Variants in ARHGAP15 observed in about 807,000 individuals in gnomAD.
ARHGAP15 encodes rho GTPase-activating protein 15.
ARHGAP15 carries 51 observed loss-of-function variants against 63.7 expected under a neutral mutation model. The ratio of observed to expected loss-of-function variants is 0.80; its 90% CI spans 0.64 to 1.01. The LOEUF (loss-of-function observed/expected upper bound fraction) is 1.01, where lower values mean the gene tolerates loss of function less well. ARHGAP15 is among the 50% of genes least tolerant of loss of function. The pLI, the probability that ARHGAP15 is intolerant of heterozygous loss-of-function variation, is 0.00. For missense variants in ARHGAP15, 560 were observed against 564.6 expected (o/e 0.99, Z 0.08); for synonymous variants, 191 against 193.8 (o/e 0.99, Z 0.12).
At chr2:143,184,167 A>G (rs1691347809) in intron 2 of ARHGAP15, among the ~76,000 whole-genome samples, 1 of 152,224 alleles carries the variant, frequency 6.6e-6, no homozygotes, top group South Asian at 2.1e-4. Context: ...AGGGTTGCAT[A>G]CACTGAAGAA....
intron 8 of ARHGAP15, among the ~76,000 whole-genome samples, chr2:143,457,647 C>A (rs559314969): frequency 3.8e-4 from 57 of 150,270 alleles, no homozygotes; most frequent in Non-Finnish European, 6.8e-4. Flanking sequence ...TTTTTAAATA[C>A]CCACAGTATT....
intron 13 of ARHGAP15, among the ~76,000 whole-genome samples, chr2:143,733,221 C>G (rs1685616685): frequency 6.6e-6 from 1 of 152,130 alleles, no homozygotes; most frequent in Non-Finnish European, 1.5e-5. Flanking sequence ...ATTGTGCCCT[C>G]TGCTCCATCA....
Position 143,704,459 on chromosome 2 carries a change from A to G in ARHGAP15, c.1244+935A>G, listed in dbSNP as rs1574863523. Among the ~76,000 whole-genome samples, 4 of 152,184 alleles carry G rather than the reference A, an allele frequency of 2.6e-5. No homozygotes were observed. In the East Asian group the frequency reaches 7.7e-4, roughly 29 times the overall value. Reference sequence around the variant, plus strand: ...ATACCATTGGGAAAGGAAAGGAGAAATCAAGTGTGCAAATTTTGGGTTTCA... The same window carrying G: ...ATACCATTGGGAAAGGAAAGGAGAAGTCAAGTGTGCAAATTTTGGGTTTCA... On this transcript the variant is annotated intron_variant, in intron 13 of 13. Coordinates refer to ENST00000295095, the MANE Select transcript of ARHGAP15 (RefSeq NM_018460.4).
intron 13 of ARHGAP15, among the ~76,000 whole-genome samples, chr2:143,731,042 GT>G (rs776913509): frequency 3.4e-5 from 5 of 147,170 alleles, no homozygotes; most frequent in Non-Finnish European, 7.4e-5. Context: ...GAGAGTAATA[GT>G]TGACTTTTAT....
intron 11 of ARHGAP15, among the ~76,000 whole-genome samples, chr2:143,591,441 G>T (rs1697314490): frequency 6.6e-6 from 1 of 152,060 alleles, no homozygotes; most frequent in Non-Finnish European, 1.5e-5. Flanking sequence ...AAGTGGCACA[G>T]CCTTGAATTG....
chr2:143,447,475 G>A (rs1690195540), intron 8 of ARHGAP15, among the ~76,000 whole-genome samples: 2 of 152,156 alleles, frequency 1.3e-5, no homozygotes, highest in African/African-American at 4.8e-5. Context: ...CAGCTGGCAA[G>A]GGATGCCCAC....
chr2:143,493,327 T>C (rs576032888), intron 9 of ARHGAP15, among the ~76,000 whole-genome samples: 2 of 152,308 alleles, frequency 1.3e-5, no homozygotes, highest in African/African-American at 4.8e-5. Flanking sequence ...AAAACAATAA[T>C]CAGCTTTATT....
At chr2:143,357,895 AT>A (rs1685874517) in intron 6 of ARHGAP15, among the ~76,000 whole-genome samples, 1 of 152,160 alleles carries the variant, frequency 6.6e-6, no homozygotes, top group South Asian at 2.1e-4. Flanking sequence ...GCATAGTTTT[AT>A]TTTTCTATCA....
intron 8 of ARHGAP15, among the ~76,000 whole-genome samples, chr2:143,482,613 T>C (rs1692131892): frequency 6.6e-6 from 1 of 152,182 alleles, no homozygotes; most frequent in Non-Finnish European, 1.5e-5. Context: ...TTACTTAAAA[T>C]GAACAATTTG....
chr2:143,487,263 A>G (rs1692366053), intron 8 of ARHGAP15, 110 bp from the exon 9 acceptor site: 3 of 1,272,830 alleles, frequency 2.4e-6, no homozygotes, highest in East Asian at 2.4e-5. Flanking sequence ...AGCCTGAGCT[A>G]TTAATTCAGG....
intron 3 of ARHGAP15, among the ~76,000 whole-genome samples, chr2:143,212,182 C>G (rs1391618215): frequency 6.6e-6 from 1 of 152,174 alleles, no homozygotes; most frequent in Non-Finnish European, 1.5e-5. Context: ...ACACACTAGT[C>G]TTTCTGCCAT....
intron 8 of ARHGAP15, among the ~76,000 whole-genome samples, chr2:143,456,824 A>G (rs564685101): frequency 2.2e-5 from 1 of 46,162 alleles, no homozygotes; most frequent in South Asian, 1.1e-3. Context: ...TAAATTGTGT[A>G]CATGTGTTTT....
At chr2:143,697,058 C>T (rs572397489) in intron 12 of ARHGAP15, among the ~76,000 whole-genome samples, 99 of 152,216 alleles carry the variant, frequency 6.5e-4, no homozygotes, top group African/African-American at 2.2e-3. Flanking sequence ...TTGCCAACTA[C>T]GGGCTACGCT....
At chr2:143,375,733 A>G (rs915964212) in intron 6 of ARHGAP15, among the ~76,000 whole-genome samples, 1 of 152,190 alleles carries the variant, frequency 6.6e-6, no homozygotes, top group Non-Finnish European at 1.5e-5. Flanking sequence ...CACTGATAAT[A>G]CTGCCATGGT....
At chr2:143,356,951 C>G (rs1438399205) in intron 6 of ARHGAP15, among the ~76,000 whole-genome samples, 1 of 152,188 alleles carries the variant, frequency 6.6e-6, no homozygotes, top group Non-Finnish European at 1.5e-5. Context: ...GTGCAGTAAG[C>G]CACTGAACAG....
At chr2:143,501,062 G>A (rs776419796) in intron 9 of ARHGAP15, among the ~76,000 whole-genome samples, 3 of 152,162 alleles carry the variant, frequency 2.0e-5, no homozygotes, top group Non-Finnish European at 2.9e-5. Flanking sequence ...AAGAGGCCTG[G>A]TCTGGGTTAA....
chr2:143,337,284 G>A (rs1303375988), intron 6 of ARHGAP15, among the ~76,000 whole-genome samples: 1 of 152,146 alleles, frequency 6.6e-6, no homozygotes, highest in East Asian at 1.9e-4. Context: ...CTAGGGAGGT[G>A]GGAGGAAGGG....
At chr2:143,371,657 C>A (rs1686561137) in intron 6 of ARHGAP15, among the ~76,000 whole-genome samples, 1 of 152,100 alleles carries the variant, frequency 6.6e-6, no homozygotes, top group East Asian at 1.9e-4. Context: ...TTTTTCGAGG[C>A]TAGCTTGTTC....
chr2:143,741,319 A>G (rs1439207418), intron 13 of ARHGAP15: 1 of 152,232 alleles, frequency 6.6e-6, no homozygotes, highest in Non-Finnish European at 1.5e-5. Context: ...GACTTCTTTT[A>G]TTTTTAAAAT....
Sources: gnomAD v4.1 joint callset for allele counts (sites outside exome capture counted in the v4.1 genomes callset) on GRCh38, gnomAD v4.1.1 for gene constraint, MANE v1.5 for transcripts, NCBI Gene and HGNC (gene_info 2026-07-23, HGNC 2026-07-21) for gene names.